RCL1: variants seen among roughly 807,000 people sequenced by gnomAD.
RCL1 encodes RNA 3'-terminal phosphate cyclase-like protein.
RCL1 carries 24 observed loss-of-function variants against 42.4 expected under a neutral mutation model. That is an observed-to-expected ratio of 0.57 (90% CI 0.41 to 0.80). The LOEUF is 0.80. Ranked by LOEUF, RCL1 falls within the 30% of genes least tolerant of loss-of-function variation. The pLI is 0.00. For missense variants in RCL1, 578 were observed against 467.9 expected (o/e 1.24, Z -2.17); for synonymous variants, 228 against 177.3 (o/e 1.29, Z -2.27).
intron 1 of RCL1, among the ~76,000 whole-genome samples, chr9:4,812,791 T>C (rs1816226043): frequency 6.6e-6 from 1 of 151,390 alleles, no homozygotes; most frequent in Non-Finnish European, 1.5e-5. Context: ...TTCACTTCCT[T>C]GGTTAAATTT....
chr9:4,819,670 G>A (rs1425022854), intron 1 of RCL1, among the ~76,000 whole-genome samples: 2 of 152,172 alleles, frequency 1.3e-5, no homozygotes, highest in African/African-American at 2.4e-5. Flanking sequence ...AGCTGGGCGT[G>A]GTGGCACGCG....
intron 7 of RCL1, among the ~76,000 whole-genome samples, chr9:4,846,095 A>G (rs1817502091): frequency 6.6e-6 from 1 of 152,242 alleles, no homozygotes; most frequent in South Asian, 2.1e-4. Flanking sequence ...TCCTCAGACC[A>G]GCCTCACAGT....
chr9:4,806,930 G>C (rs754681236), intron 1 of RCL1, among the ~76,000 whole-genome samples: 8 of 152,122 alleles, frequency 5.3e-5, no homozygotes, highest in Non-Finnish European at 8.8e-5. Context: ...AATGTTTATA[G>C]GGCTATTCAA....
rs915918124 is a variant in RCL1 at position 4,841,331 on chromosome 9, T to A, written c.684T>A (p.Asp228Glu). The change falls in exon 6 of 9, where the codon GAT becomes GAA. Residue 228 changes from aspartate to glutamate, a missense_variant. Asp to Glu is a conservative substitution (Grantham distance 45). Coordinates refer to ENST00000381750, the MANE Select transcript of RCL1 (RefSeq NM_005772.5). The part of the protein sequence containing the change: ...KFIPDIYIYT[D>E]HMKGVNSGKS... ...TACCTGATATCTATATTTACACAGA[T>A]CACATGAAAGGAGTCAACTCTGGGA... The A allele has an allele frequency of 1.9e-6, 3 of 1,613,328 alleles. No homozygotes were observed. The highest frequency in any genetic ancestry group is 2.5e-6 in the Non-Finnish European group (3 of 1,179,294).
chr9:4,829,542 G>C (rs113308265), intron 3 of RCL1, among the ~76,000 whole-genome samples: 97 of 152,332 alleles, frequency 6.4e-4, no homozygotes, highest in African/African-American at 2.1e-3. Context: ...TTGGCAGTTA[G>C]AAATTATTGT....
chr9:4,845,411 T>G (rs1047843909), intron 7 of RCL1, among the ~76,000 whole-genome samples: 4 of 152,334 alleles, frequency 2.6e-5, no homozygotes, highest in African/African-American at 9.6e-5. Flanking sequence ...GTTGCCACAG[T>G]CTTTCTCTGT....
intron 3 of RCL1, among the ~76,000 whole-genome samples, chr9:4,831,445 G>T (rs1816940818): frequency 6.6e-6 from 1 of 151,938 alleles, no homozygotes; most frequent in Non-Finnish European, 1.5e-5. Flanking sequence ...ATCTGGCAAC[G>T]CCAAATGCAT....
intron 1 of RCL1, among the ~76,000 whole-genome samples, chr9:4,805,644 T>C (rs1251778696): frequency 6.6e-6 from 1 of 152,178 alleles, no homozygotes; most frequent in Non-Finnish European, 1.5e-5. Flanking sequence ...ACAGGGACAG[T>C]GGGCAGGTAG....
chr9:4,809,710 A>G (rs1816106060), intron 1 of RCL1, among the ~76,000 whole-genome samples: 1 of 152,174 alleles, frequency 6.6e-6, no homozygotes, highest in Admixed American at 6.5e-5. Context: ...CTTTCCCTTA[A>G]TTGATATTTC....
intron 1 of RCL1, among the ~76,000 whole-genome samples, chr9:4,821,379 A>G (rs1816591377): frequency 6.6e-6 from 1 of 152,196 alleles, no homozygotes; most frequent in African/African-American, 2.4e-5. Context: ...TCTCAGTGTC[A>G]TTTGACTAGG....
intron 6 of RCL1, 142 bp from the exon 7 acceptor site, chr9:4,844,383 C>T (rs182909020): frequency 9.4e-5 from 55 of 584,058 alleles, no homozygotes; most frequent in Non-Finnish European, 1.3e-4. Flanking sequence ...CTAGTAGCAA[C>T]TCTATGAGGT....
intron 5 of RCL1, chr9:4,840,000 T>G: frequency 3.1e-6 from 2 of 645,238 alleles, no homozygotes; most frequent in Non-Finnish European, 3.8e-6. Flanking sequence ...GAGTTGATGG[T>G]GCAGAGCTGA....
intron 8 of RCL1, among the ~76,000 whole-genome samples, chr9:4,851,574 C>T (rs1057130085): frequency 6.6e-6 from 1 of 152,144 alleles, no homozygotes; most frequent in Non-Finnish European, 1.5e-5. Context: ...ATGAAATCCA[C>T]GGTGAGGACC....
chr9:4,849,574 G>A lies in RCL1; in HGVS notation c.971+24G>A, dbSNP rs1006081265. 1.3e-5 allele frequency: 20 copies of A among 1,546,014 alleles called. No individual in the cohort carries two copies. In the East Asian group the frequency reaches 1.8e-4, roughly 14 times the overall value. On this transcript the variant is annotated intron_variant, in intron 8 of 8. Transcript: ENST00000381750. ...ACGTAAGTTATTCTTTTTCAACCTCGTTATTCTGTCCAGTGTAATTTTCTC... is the reference window on the plus strand; with the variant it reads ...ACGTAAGTTATTCTTTTTCAACCTCATTATTCTGTCCAGTGTAATTTTCTC...
intron 1 of RCL1, among the ~76,000 whole-genome samples, chr9:4,811,168 G>C (rs1242651932): frequency 2.0e-5 from 3 of 151,816 alleles, no homozygotes; most frequent in Non-Finnish European, 4.4e-5. Flanking sequence ...TATTGTCCCA[G>C]CTACTCAGGA....
At chr9:4,818,735 G>A (rs1218023950) in intron 1 of RCL1, among the ~76,000 whole-genome samples, 1 of 152,082 alleles carries the variant, frequency 6.6e-6, no homozygotes, top group Non-Finnish European at 1.5e-5. Context: ...AGCTGGACAT[G>A]GTGGCACGTG....
chr9:4,849,818 C>G (rs1422205668), intron 8 of RCL1, among the ~76,000 whole-genome samples: 1 of 152,094 alleles, frequency 6.6e-6, no homozygotes, highest in African/African-American at 2.4e-5. Context: ...GATTTTGTTT[C>G]CAGGTTAGAG....
chr9:4,813,775 C>G (rs903914631), intron 1 of RCL1, among the ~76,000 whole-genome samples: 2 of 152,218 alleles, frequency 1.3e-5, no homozygotes, highest in Non-Finnish European at 2.9e-5. Context: ...ATAGGAAAGA[C>G]TTGGAACCAA....
intron 5 of RCL1, among the ~76,000 whole-genome samples, chr9:4,834,924 T>C (rs750045338): frequency 1.3e-5 from 2 of 152,214 alleles, no homozygotes; most frequent in Non-Finnish European, 1.5e-5. Context: ...AGAGCTAGGA[T>C]TTGAACCTGG....
Sources: allele counts gnomAD v4.1 joint callset (sites outside exome capture counted in the v4.1 genomes callset), GRCh38; gene constraint gnomAD v4.1.1; transcripts MANE v1.5; gene names NCBI Gene and HGNC (gene_info 2026-07-23, HGNC 2026-07-21).